ZNF704: variants seen among roughly 807,000 people sequenced by gnomAD.
ZNF704 encodes zinc finger protein 704.
A neutral mutation model predicts 44.7 loss-of-function variants in ZNF704; 10 were observed. That is an observed-to-expected ratio of 0.22 (90% CI 0.14 to 0.38). The LOEUF (loss-of-function observed/expected upper bound fraction) is 0.38. ZNF704 is among the 10% of genes least tolerant of loss of function. The pLI, the probability that ZNF704 is intolerant of heterozygous loss-of-function variation, is 1.00. For missense variants in ZNF704, 390 were observed against 545.5 expected, an observed-to-expected ratio of 0.71 and a Z score of 2.84; for synonymous variants, 211 against 207.6, an observed-to-expected ratio of 1.02 and a Z score of -0.14.
At chr8:80,863,862 C>A (rs956979759) in intron 1 of ZNF704, among the ~76,000 whole-genome samples, 26 of 152,084 alleles carry the variant, frequency 1.7e-4, no homozygotes, top group African/African-American at 6.3e-4. Context: ...TATTTTCAAT[C>A]TTTTTTTCTT....
At chr8:80,819,921 G>A (rs1808241344) in intron 2 of ZNF704, among the ~76,000 whole-genome samples, 4 of 152,080 alleles carry the variant, frequency 2.6e-5, no homozygotes, top group Admixed American at 6.6e-5. Flanking sequence ...GAAATGAAAC[G>A]TTAATTACAA....
chr8:80,849,083 T>G (rs1464746398), intron 1 of ZNF704, among the ~76,000 whole-genome samples: 2 of 152,172 alleles, frequency 1.3e-5, no homozygotes, highest in Non-Finnish European at 2.9e-5. Flanking sequence ...GAATAAATAT[T>G]AAGGGAAGAG....
At chr8:80,875,406 G>A (rs992889337), upstream of ZNF704, among the ~76,000 whole-genome samples, 1 of 152,120 alleles carries the variant, frequency 6.6e-6, no homozygotes, top group African/African-American at 2.4e-5. Flanking sequence ...CTGGGTTCAA[G>A]CGATTCTCCT....
chr8:80,782,612 A>C (rs1193107022), intron 2 of ZNF704, among the ~76,000 whole-genome samples: 1 of 152,178 alleles, frequency 6.6e-6, no homozygotes, highest in Non-Finnish European at 1.5e-5. Context: ...GTTAATATAC[A>C]ATAGTAGGAA....
intron 7 of ZNF704, among the ~76,000 whole-genome samples, chr8:80,644,226 A>G (rs765817441): frequency 6.6e-5 from 10 of 152,176 alleles, no homozygotes; most frequent in Admixed American, 2.0e-4. Flanking sequence ...TGGTAGACCC[A>G]GGGCTGTGCT....
At position 80,841,296 on chromosome 8, in the gene ZNF704, TA is replaced by T. The variant is rs144546981; in HGVS notation, c.-21-19682del. On this transcript the variant is annotated intron_variant, in intron 1 of 8. Transcript: ENST00000327835. The stretch of plus-strand genomic sequence containing the variant: ...ACAGAATTCTAGCTACAGGGCATTC[TA>T]GGAAATTTAGGCCACAGCAGCACAG... 3.6e-3 allele frequency among the ~76,000 whole-genome samples: 545 copies of T among 152,310 alleles called. 2 individuals are homozygous for T. The highest frequency in any genetic ancestry group is 0.013 in the African/African-American group (528 of 41,556).
At chr8:80,653,895 C>A (rs1817964923) in intron 7 of ZNF704, among the ~76,000 whole-genome samples, 1 of 151,952 alleles carries the variant, frequency 6.6e-6, no homozygotes, top group African/African-American at 2.4e-5. Flanking sequence ...AATCCTAAGC[C>A]AAAAGAACAA....
At chr8:80,824,574 C>T (rs991419374) in intron 1 of ZNF704, among the ~76,000 whole-genome samples, 10 of 152,080 alleles carry the variant, frequency 6.6e-5, no homozygotes, top group African/African-American at 9.7e-5. Context: ...ATACAGAGAA[C>T]GCCACAAAGA....
At chr8:80,724,093 T>A (rs1806428741) in intron 2 of ZNF704, among the ~76,000 whole-genome samples, 1 of 152,216 alleles carries the variant, frequency 6.6e-6, no homozygotes, top group African/African-American at 2.4e-5. Flanking sequence ...TGGGATTACT[T>A]TTTCATAGTA....
At chr8:80,795,244 C>T (rs1008266689) in intron 2 of ZNF704, among the ~76,000 whole-genome samples, 1 of 152,152 alleles carries the variant, frequency 6.6e-6, no homozygotes, top group Non-Finnish European at 1.5e-5. Flanking sequence ...CTGCCTTTTT[C>T]TGTTTAAAAA....
chr8:80,831,418 T>C (rs1271750923), intron 1 of ZNF704, among the ~76,000 whole-genome samples: 1 of 152,240 alleles, frequency 6.6e-6, no homozygotes, highest in African/African-American at 2.4e-5. Context: ...CCTGGTGATC[T>C]GCAAGGTCTA....
intron 2 of ZNF704, among the ~76,000 whole-genome samples, chr8:80,728,210 T>A (rs944965581): frequency 2.0e-5 from 3 of 152,272 alleles, no homozygotes; most frequent in Admixed American, 6.5e-5. Flanking sequence ...CCTCCACACA[T>A]ATACACACTT....
intron 2 of ZNF704, among the ~76,000 whole-genome samples, chr8:80,813,456 A>G (rs901458028): frequency 6.6e-6 from 1 of 152,224 alleles, no homozygotes; most frequent in Non-Finnish European, 1.5e-5. Flanking sequence ...TGAATTTTGA[A>G]TGTCATTTTT....
chr8:80,748,696 G>A (rs1477715470), intron 2 of ZNF704, among the ~76,000 whole-genome samples: 1 of 152,138 alleles, frequency 6.6e-6, no homozygotes, highest in Non-Finnish European at 1.5e-5. Context: ...GAAAAGAATA[G>A]GAAAAAGTTC....
chr8:80,777,320 T>C (rs1807430951), intron 2 of ZNF704, among the ~76,000 whole-genome samples: 1 of 152,186 alleles, frequency 6.6e-6, no homozygotes, highest in African/African-American at 2.4e-5. Context: ...AATATCTGCT[T>C]GTTAAATGAA....
chr8:80,763,299 T>C (rs1706312834), intron 2 of ZNF704, among the ~76,000 whole-genome samples: 1 of 152,226 alleles, frequency 6.6e-6, no homozygotes, highest in African/African-American at 2.4e-5. Context: ...GTCCCACCCC[T>C]GCAGCAAGCA....
At chr8:80,803,582 G>A (rs1288473262) in intron 2 of ZNF704, among the ~76,000 whole-genome samples, 1 of 152,166 alleles carries the variant, frequency 6.6e-6, no homozygotes, top group East Asian at 1.9e-4. Context: ...AAGCAATGGG[G>A]AAAGAATTTC....
chr8:80,773,641 T>C (rs1019023813), intron 2 of ZNF704, among the ~76,000 whole-genome samples: 12 of 152,244 alleles, frequency 7.9e-5, no homozygotes. Context: ...TTAGTTTTCC[T>C]TCATCTGAGA....
chr8:80,671,731 C>A (rs563511569), intron 4 of ZNF704, among the ~76,000 whole-genome samples: 1 of 152,174 alleles, frequency 6.6e-6, no homozygotes, highest in Admixed American at 6.5e-5. Context: ...CACAGCTAGA[C>A]CTTGATTCCC....
Sources: gnomAD v4.1 joint callset for allele counts (sites outside exome capture counted in the v4.1 genomes callset) on GRCh38, gnomAD v4.1.1 for gene constraint, MANE v1.5 for transcripts, NCBI Gene and HGNC (gene_info 2026-07-23, HGNC 2026-07-21) for gene names.